Variants in EXOSC4 observed in about 807,000 individuals in gnomAD.
The protein encoded by EXOSC4 is exosome complex component RRP41.
EXOSC4 carries 14 observed loss-of-function variants against 20.0 expected under a neutral mutation model. That is an observed-to-expected ratio of 0.70 (90% CI 0.46 to 1.09). The LOEUF (loss-of-function observed/expected upper bound fraction) is 1.09, where lower values mean the gene tolerates loss of function less well. Among genes scored for constraint, EXOSC4 ranks in the 50% least tolerant of loss-of-function variants. The pLI is 0.00. For missense variants in EXOSC4, 337 were observed against 334.0 expected (o/e 1.01, Z -0.07); for synonymous variants, 148 against 146.4 (o/e 1.01, Z -0.08).
Position 144,080,215 on chromosome 8 carries a change from T to G in EXOSC4, c.379-27T>G. On this transcript the variant is annotated intron_variant, in intron 2 of 2. Transcript: ENST00000316052. This position sits in a 1 kb window ranked among gnomAD's most constrained non-coding sequence, Gnocchi z 4.9. ...TGATGGGGTTGGGGAGGGAGTCTGATAGACTGACACCCTGGGTTCCCTGCA... is the reference window on the plus strand; with the variant it reads ...TGATGGGGTTGGGGAGGGAGTCTGAGAGACTGACACCCTGGGTTCCCTGCA... The G allele has an allele frequency of 6.2e-7, 1 of 1,610,304 alleles. No homozygotes were observed. Among genetic ancestry groups the G allele is most frequent in the East Asian group, 2.2e-5 (1 of 44,822 alleles).
chr8:144,075,455 T>C (rs1835828305), upstream of EXOSC4, among the ~76,000 whole-genome samples: 1 of 152,198 alleles, frequency 6.6e-6, no homozygotes, highest in Admixed American at 6.5e-5. Flanking sequence ...CTCGATCTCC[T>C]GACCTCGTGA....
At position 144,080,312 on chromosome 8, in the gene EXOSC4, G is replaced by C. The variant is rs1835885954; in HGVS notation, c.449G>C (p.Gly150Ala). 1.2e-6 allele frequency: 2 copies of C among 1,613,624 alleles called. No homozygotes were observed. Among genetic ancestry groups the C allele is most frequent in the Non-Finnish European group, 1.7e-6 (2 of 1,180,036 alleles). The stretch of plus-strand genomic sequence containing the variant: ...GCCACGCTGGCAGTGCTGGATGCCG[G>C]GATACCCATGAGAGACTTTGTGTGT... Reference protein sequence around the residue: ...NAATLAVLDAGIPMRDFVCAC... With the variant: ...NAATLAVLDAAIPMRDFVCAC... Residue 150 changes from glycine to alanine, a missense_variant, in exon 3 of 3, where the codon GGG becomes GCG. Gly to Ala is a moderately conservative substitution (Grantham distance 60). Coordinates refer to ENST00000316052, the MANE Select transcript of EXOSC4 (RefSeq NM_019037.3). The surrounding 1 kb of genome is among the most constrained non-coding windows in gnomAD (Gnocchi z 4.9).
chr8:144,080,291 C>T lies in EXOSC4; in HGVS notation c.428C>T (p.Thr143Met), dbSNP rs782421627. ...TATGCAGCTTGTGTGAATGCAGCCA[C>T]GCTGGCAGTGCTGGATGCCGGGATA... ...GTYAACVNAA[T>M]LAVLDAGIPM... The change falls in exon 3 of 3, where the codon ACG becomes ATG. Residue 143 changes from threonine to methionine, a missense_variant. Physicochemically the swap from Thr to Met is moderately conservative, Grantham distance 81. Transcript: ENST00000316052. This position sits in a 1 kb window ranked among gnomAD's most constrained non-coding sequence, Gnocchi z 4.9. The T allele has an allele frequency of 9.9e-6, 16 of 1,613,694 alleles. No homozygotes were observed. The East Asian group carries it at 1.3e-4, about 13-fold the overall frequency.
rs1323118428 is a variant in EXOSC4, at chr8:144,078,727, G to C, written c.-2G>C. The C allele has an allele frequency of 2.8e-6, 4 of 1,452,078 alleles. No homozygotes were observed. Among genetic ancestry groups the C allele is most frequent in the Non-Finnish European group, 3.6e-6 (4 of 1,099,472 alleles). The allele number at this position is 1,452,078 out of a possible 1,614,324, so 89.9% of individuals were successfully genotyped here. On this transcript the variant is annotated 5_prime_UTR_variant, in exon 1 of 3. Coordinates refer to ENST00000316052, the MANE Select transcript of EXOSC4 (RefSeq NM_019037.3). The surrounding 1 kb of genome is among the most constrained non-coding windows in gnomAD (Gnocchi z 4.7). ...AGAGAGCGGACCTGGCGGCCGGGCA[G>C]CATGGCGGGGCTGGAGCTCTTGTCG...
chr8:144,071,891 G>A, the EXOSC4 span, among the ~76,000 whole-genome samples: 3 of 152,076 alleles, frequency 2.0e-5, no homozygotes. Context: ...GAGGTGGGAG[G>A]ATTGCTTGAG....
the EXOSC4 span, among the ~76,000 whole-genome samples, chr8:144,068,156 T>C: frequency 6.6e-6 from 1 of 152,156 alleles, no homozygotes; most frequent in African/African-American, 2.4e-5. Context: ...TGAAGCTAAA[T>C]TGTGCGTTTG....
At chr8:144,070,630 C>T in the EXOSC4 span, among the ~76,000 whole-genome samples, 1 of 151,790 alleles carries the variant, frequency 6.6e-6, no homozygotes, top group African/African-American at 2.4e-5. Flanking sequence ...AGTTCAAGAC[C>T]AGCCTGACCA....
chr8:144,069,684 TGA>T, the EXOSC4 span, among the ~76,000 whole-genome samples: 2 of 152,254 alleles, frequency 1.3e-5, no homozygotes, highest in African/African-American at 4.8e-5. Flanking sequence ...GATTCGGGCC[TGA>T]GTGTCTTTGG....
At chr8:144,066,492 A>C in the EXOSC4 span, among the ~76,000 whole-genome samples, 1 of 125,712 alleles carries the variant, frequency 8.0e-6, no homozygotes, top group African/African-American at 3.2e-5. Context: ...CCCAGGCTGG[A>C]GTGCAATGGC....
the EXOSC4 span, among the ~76,000 whole-genome samples, chr8:144,070,467 T>C: frequency 6.8e-6 from 1 of 146,844 alleles, no homozygotes; most frequent in African/African-American, 2.6e-5. Context: ...GAGGTTGCAG[T>C]GAGCCAAGAT....
upstream of EXOSC4, among the ~76,000 whole-genome samples, chr8:144,073,889 A>G (rs148825371): frequency 3.8e-3 from 574 of 151,400 alleles, 3 homozygotes; most frequent in African/African-American, 0.013. Flanking sequence ...CTTAGAGCCT[A>G]CTGTGTGGCA....
At position 144,080,101 on chromosome 8, in the gene EXOSC4, C is replaced by T; in HGVS notation, c.330C>T (p.Ala110=). The T allele has an allele frequency of 6.2e-7, 1 of 1,614,032 alleles. No individual in the cohort carries two copies. Among genetic ancestry groups the T allele is most frequent in the Non-Finnish European group, 8.5e-7 (1 of 1,179,992 alleles). ...AGCTCCGCCAGACTTTCGAAGCAGC[C>T]ATCCTCACACAGCTGCACCCACGCT... ...GLQLRQTFEA[A]ILTQLHPRSQ... The change falls in exon 2 of 3, where the codon GCC becomes GCT. Residue 110 remains alanine, a synonymous_variant. Coordinates refer to ENST00000316052, the MANE Select transcript of EXOSC4 (RefSeq NM_019037.3). The surrounding 1 kb of genome is among the most constrained non-coding windows in gnomAD (Gnocchi z 4.9).
the EXOSC4 span, among the ~76,000 whole-genome samples, chr8:144,069,705 T>C: frequency 2.0e-5 from 3 of 152,236 alleles, no homozygotes; most frequent in African/African-American, 4.8e-5. Flanking sequence ...GGGGTTGTTA[T>C]TTAGCCACCA....
chr8:144,076,469 C>A (rs1835836268), upstream of EXOSC4, among the ~76,000 whole-genome samples: 1 of 152,146 alleles, frequency 6.6e-6, no homozygotes, highest in Non-Finnish European at 1.5e-5. Flanking sequence ...TTGAATCGAC[C>A]CATGTGTGTA....
rs144570195 is a variant in EXOSC4, at chr8:144,078,849, A to C, written c.121A>C (p.Ile41Leu). The C allele has an allele frequency of 6.3e-7, 1 of 1,576,724 alleles. No individual in the cohort carries two copies. The highest frequency in any genetic ancestry group is 8.6e-7 in the Non-Finnish European group (1 of 1,163,894). ...VFAQADGSAYIEQGNTKALAV... is the reference protein window; with the variant it reads ...VFAQADGSAYLEQGNTKALAV... ...CGCGCAGGCTGACGGCTCGGCCTAC[A>C]TTGAGCAGGGCAACACCAAGGCACT... The change falls in exon 1 of 3, where the codon ATT becomes CTT. Residue 41 changes from isoleucine (I) to leucine (L), a missense_variant. Coordinates refer to ENST00000316052, the MANE Select transcript of EXOSC4 (RefSeq NM_019037.3). The surrounding 1 kb of genome is among the most constrained non-coding windows in gnomAD (Gnocchi z 4.7).
the EXOSC4 span, among the ~76,000 whole-genome samples, chr8:144,065,136 C>T: frequency 3.9e-5 from 6 of 152,260 alleles, no homozygotes; most frequent in East Asian, 5.8e-4. Context: ...TGAGCCACCG[C>T]GCCCAGCCTC....
chr8:144,079,465 G>A (rs1244879700), intron 1 of EXOSC4: 1 of 329,330 alleles, frequency 3.0e-6, no homozygotes, highest in African/African-American at 2.2e-5. Context: ...CCAGGCGGAG[G>A]GAACCAGAAG....
chr8:144,066,956 G>C, the EXOSC4 span, among the ~76,000 whole-genome samples: 4 of 152,008 alleles, frequency 2.6e-5, no homozygotes, highest in Admixed American at 2.6e-4. Context: ...GCGTGGTGGT[G>C]CATGCCTGTA....
At chr8:144,071,445 A>G in the EXOSC4 span, among the ~76,000 whole-genome samples, 26 of 148,854 alleles carry the variant, frequency 1.7e-4, no homozygotes, top group African/African-American at 6.2e-4. Context: ...GCCTGGGATT[A>G]CAGGTGCGTG....
Sources: allele counts gnomAD v4.1 joint callset (sites outside exome capture counted in the v4.1 genomes callset), GRCh38; gene constraint gnomAD v4.1.1; non-coding constraint Gnocchi (gnomAD v3.1); transcripts MANE v1.5; gene names NCBI Gene and HGNC (gene_info 2026-07-23, HGNC 2026-07-21).